The following GCNT2 variants were observed in gnomAD, a reference collection of about 807,000 sequenced individuals.
GCNT2 encodes the protein N-acetyllactosaminide beta-1,6-N-acetylglucosaminyl-transferase.
GCNT2 carries 34 observed loss-of-function variants against 34.2 expected under a neutral mutation model. The ratio of observed to expected loss-of-function variants is 1.00; its 90% CI spans 0.76 to 1.32. The LOEUF (loss-of-function observed/expected upper bound fraction) is 1.32. Ranked by LOEUF, GCNT2 falls within the 40% of genes most tolerant of loss-of-function variation. The pLI is 0.00. For synonymous variants in GCNT2, 212 were observed against 188.0 expected (o/e 1.13, Z -1.04); for missense variants, 584 against 489.4 (o/e 1.19, Z -1.82).
chr6:10,617,740 T>C (rs1207382911), intron 3 of GCNT2, among the ~76,000 whole-genome samples: 1 of 140,302 alleles, frequency 7.1e-6, no homozygotes, highest in East Asian at 2.0e-4. Flanking sequence ...GGCCAGAGTC[T>C]GCATTTCTTC....
chr6:10,553,468 G>A (rs556650823), intron 3 of GCNT2, among the ~76,000 whole-genome samples: 2 of 152,340 alleles, frequency 1.3e-5, no homozygotes, highest in South Asian at 2.1e-4. Flanking sequence ...AGCACATGGA[G>A]GAGGGCAATC....
At chr6:10,594,832 G>A (rs9466896) in intron 3 of GCNT2, among the ~76,000 whole-genome samples, 16,706 of 152,006 alleles carry the variant, frequency 0.11, 1,103 homozygotes, top group Middle Eastern at 0.17. Flanking sequence ...AAATTGACAT[G>A]TTCAGGTGGA....
chr6:10,524,836 C>G (rs1761110413), intron 1 of GCNT2, among the ~76,000 whole-genome samples: 1 of 144,572 alleles, frequency 6.9e-6, no homozygotes, highest in South Asian at 2.4e-4. Flanking sequence ...TCCCCCACCC[C>G]CCAAAAAAAA....
At chr6:10,537,894 CAT>C (rs1253057819) in intron 3 of GCNT2, among the ~76,000 whole-genome samples, 1 of 151,916 alleles carries the variant, frequency 6.6e-6, no homozygotes, top group Non-Finnish European at 1.5e-5. Context: ...GTGTCTATGT[CAT>C]GTGATTTCTT....
intron 3 of GCNT2, among the ~76,000 whole-genome samples, chr6:10,568,067 T>G (rs937608267): frequency 1.3e-5 from 2 of 152,236 alleles, no homozygotes; most frequent in African/African-American, 4.8e-5. Context: ...GGAAACATCC[T>G]CCTCAGTTCT....
chr6:10,527,195 G>C (rs982845430), intron 1 of GCNT2, among the ~76,000 whole-genome samples: 4 of 152,102 alleles, frequency 2.6e-5, no homozygotes, highest in African/African-American at 7.2e-5. Context: ...AGGCCGAGGC[G>C]GGTGGATCAC....
intron 3 of GCNT2, among the ~76,000 whole-genome samples, chr6:10,590,910 T>A (rs1319933034): frequency 6.6e-6 from 1 of 152,202 alleles, no homozygotes; most frequent in Admixed American, 6.5e-5. Context: ...AGAATGTCCT[T>A]CGTGTTTGAT....
intron 3 of GCNT2, among the ~76,000 whole-genome samples, chr6:10,561,808 A>G (rs1581408627): frequency 6.9e-6 from 1 of 145,708 alleles, no homozygotes; most frequent in East Asian, 2.0e-4. Flanking sequence ...TCCATTTTGT[A>G]TACGTTTTCC....
intron 3 of GCNT2, among the ~76,000 whole-genome samples, chr6:10,577,247 G>A (rs1763861618): frequency 6.6e-6 from 1 of 152,246 alleles, no homozygotes; most frequent in Non-Finnish European, 1.5e-5. Context: ...TGTGAGGGGG[G>A]AGGTGACAGC....
intron 3 of GCNT2, among the ~76,000 whole-genome samples, chr6:10,562,941 C>G (rs1024887473): frequency 6.6e-6 from 1 of 152,082 alleles, no homozygotes; most frequent in Non-Finnish European, 1.5e-5. Flanking sequence ...GGTGGATCAC[C>G]AGAAGTCGGG....
chr6:10,586,855 G>A (rs878949241), intron 3 of GCNT2: 1 of 1,613,902 alleles, frequency 6.2e-7, no homozygotes, highest in South Asian at 1.1e-5. Context: ...CTACTACAAT[G>A]GTCAAAAGAT....
intron 3 of GCNT2, among the ~76,000 whole-genome samples, chr6:10,612,731 A>G (rs1292126955): frequency 6.6e-6 from 1 of 152,220 alleles, no homozygotes; most frequent in Non-Finnish European, 1.5e-5. Flanking sequence ...AAAGAGATTC[A>G]ATAGTTGTTC....
At chr6:10,588,827 G>C (rs575025548) in intron 3 of GCNT2, among the ~76,000 whole-genome samples, 1 of 147,008 alleles carries the variant, frequency 6.8e-6, no homozygotes, top group Admixed American at 6.8e-5. Flanking sequence ...TGTGTTTGCA[G>C]TGTATGTGTG....
At chr6:10,541,680 G>C (rs1308949007) in intron 3 of GCNT2, among the ~76,000 whole-genome samples, 1 of 152,134 alleles carries the variant, frequency 6.6e-6, no homozygotes, top group African/African-American at 2.4e-5. Context: ...GCTTCAACTT[G>C]AATTCCCTAT....
intron 3 of GCNT2, among the ~76,000 whole-genome samples, chr6:10,565,951 C>T (rs947135743): frequency 2.6e-5 from 4 of 152,148 alleles, no homozygotes; most frequent in Non-Finnish European, 5.9e-5. Context: ...TATGGATTCC[C>T]TTCCCCTACG....
At chr6:10,556,720 G>C in intron 3 of GCNT2, 2 of 1,614,162 alleles carry the variant, frequency 1.2e-6, no homozygotes, top group Non-Finnish European at 1.7e-6. Flanking sequence ...CATATATAAT[G>C]GTCATCCATC....
Position 10,529,101 on chromosome 6 carries a change from G to T in GCNT2, c.190G>T (p.Ala64Ser), listed in dbSNP as rs1459271339. 3 of 1,614,142 alleles carry T rather than the reference G, an allele frequency of 1.9e-6. No homozygotes were observed. The South Asian group carries it at 3.3e-5, about 18-fold the overall frequency. Reference sequence around the variant, plus strand: ...GAAAGTTTTTTACCCAACAGAAAATGCATTGAAAACTACCCTTGATGAAGC... The same window carrying T: ...GAAAGTTTTTTACCCAACAGAAAATTCATTGAAAACTACCCTTGATGAAGC... ...EGKVFYPTENALKTTLDEATC... is the reference protein window; with the variant it reads ...EGKVFYPTENSLKTTLDEATC... The change falls in exon 3 of 5, where the codon GCA (alanine) becomes TCA (serine). Residue 64 changes from alanine to serine, a missense_variant. Transcript: ENST00000495262.
intron 3 of GCNT2, among the ~76,000 whole-genome samples, chr6:10,595,298 AG>A (rs963196336): frequency 6.6e-6 from 1 of 151,608 alleles, no homozygotes; most frequent in African/African-American, 2.4e-5. Flanking sequence ...TAATTTTTTG[AG>A]ACGGAGTCTT....
At chr6:10,537,262 G>A (rs2113559098) in intron 3 of GCNT2, among the ~76,000 whole-genome samples, 1 of 152,262 alleles carries the variant, frequency 6.6e-6, no homozygotes, top group South Asian at 2.1e-4. Flanking sequence ...CACTGAGTTT[G>A]TTCTTCGGGC....
Sources: allele counts gnomAD v4.1 joint callset (sites outside exome capture counted in the v4.1 genomes callset), GRCh38; gene constraint gnomAD v4.1.1; transcripts MANE v1.5; gene names NCBI Gene and HGNC (gene_info 2026-07-23, HGNC 2026-07-21).